PGAP1: variants seen among roughly 807,000 people sequenced by gnomAD.
PGAP1 encodes the protein post-GPI attachment to proteins inositol deacylase 1.
PGAP1 carries 76 observed loss-of-function variants against 127.0 expected under a neutral mutation model. The observed-to-expected ratio is 0.60, with a 90% CI of 0.50 to 0.72. The LOEUF is 0.72. Ranked by LOEUF, PGAP1 falls within the 30% of genes least tolerant of loss-of-function variation. PGAP1 has a pLI of 0.00. For synonymous variants in PGAP1, 362 were observed against 366.5 expected, an observed-to-expected ratio of 0.99 and a Z score of 0.14; for missense variants, 982 against 1,071.3, an observed-to-expected ratio of 0.92 and a Z score of 1.16.
chr2:196,926,612 A>G lies in PGAP1; in HGVS notation c.5T>C (p.Phe2Ser). The change falls in exon 1 of 27, where the codon TTT becomes TCT. Residue 2 changes from phenylalanine (F) to serine (S), a missense_variant. Transcript: ENST00000354764. ...GTTCCAGAGATTAACTGAGTGAAGA[A>G]ACATGGTGCCGCCACCACCGCCGCC... is the stretch of plus-strand genomic sequence containing the variant. M[F>S]LHSVNLWNLA... The G allele has an allele frequency of 6.2e-7, 1 of 1,614,050 alleles. No homozygotes were observed. Among genetic ancestry groups the G allele is most frequent in the Non-Finnish European group, 8.5e-7 (1 of 1,179,946 alleles).
intron 20 of PGAP1, among the ~76,000 whole-genome samples, chr2:196,851,411 T>C (rs1700719005): frequency 6.6e-6 from 1 of 152,206 alleles, no homozygotes; most frequent in Non-Finnish European, 1.5e-5. Flanking sequence ...TAGGCAAGGA[T>C]AATTATTTCA....
intron 5 of PGAP1, among the ~76,000 whole-genome samples, chr2:196,899,902 G>A (rs1702424225): frequency 6.6e-6 from 1 of 152,184 alleles, no homozygotes; most frequent in Non-Finnish European, 1.5e-5. Context: ...GCTGGGCATG[G>A]GGGCGTGTGC....
intron 24 of PGAP1, 48 bp downstream of exon 24, chr2:196,844,476 A>C: frequency 1.5e-6 from 2 of 1,315,682 alleles, no homozygotes; most frequent in Non-Finnish European, 2.1e-6. Flanking sequence ...ATATTTCCCC[A>C]TGTTCTTTCA....
At chr2:196,873,875 C>G (rs1251208924) in intron 14 of PGAP1, 117 bp from the exon 15 acceptor site, 1 of 694,870 alleles carries the variant, frequency 1.4e-6, no homozygotes, top group Non-Finnish European at 2.5e-6. Flanking sequence ...TACAGGTTTT[C>G]ACTTCTGTAT....
intron 1 of PGAP1, among the ~76,000 whole-genome samples, chr2:196,923,179 T>C (rs1303822853): frequency 6.6e-6 from 1 of 152,186 alleles, no homozygotes; most frequent in African/African-American, 2.4e-5. Context: ...ATTTTACATA[T>C]ATACAAGCAA....
rs549081471 is a variant in PGAP1 at position 196,866,946 on chromosome 2, C to G, written c.1768-1866G>C. Among the ~76,000 whole-genome samples, 4 of 152,132 alleles carry G rather than the reference C, an allele frequency of 2.6e-5. No individual in the cohort carries two copies. In the South Asian group the frequency reaches 8.3e-4, roughly 32 times the overall value. ...AAAACAACAATGAGATACCATCTCA[C>G]ACCAGTTAGAATGGCGATCATTAAA... On this transcript the variant is annotated intron_variant, in intron 19 of 26. Coordinates refer to ENST00000354764, the MANE Select transcript of PGAP1 (RefSeq NM_024989.4).
intron 19 of PGAP1, 124 bp from the exon 20 acceptor site, chr2:196,865,204 A>G: frequency 3.5e-6 from 2 of 565,878 alleles, no homozygotes; most frequent in Non-Finnish European, 3.1e-6. Flanking sequence ...ATTTCCAGTA[A>G]TAAGTATCAA....
chr2:196,911,624 A>T (rs1044928270), intron 4 of PGAP1, among the ~76,000 whole-genome samples: 1 of 149,622 alleles, frequency 6.7e-6, no homozygotes, highest in Admixed American at 6.6e-5. Flanking sequence ...AAAAAAAAAA[A>T]AAAAAAAAAA....
At chr2:196,858,348 G>A (rs1211038396) in intron 20 of PGAP1, among the ~76,000 whole-genome samples, 1 of 151,504 alleles carries the variant, frequency 6.6e-6, no homozygotes, top group Non-Finnish European at 1.5e-5. Flanking sequence ...CTTGCAGTTA[G>A]CTGAGATCGT....
intron 20 of PGAP1, among the ~76,000 whole-genome samples, chr2:196,850,784 C>A (rs1331165226): frequency 6.6e-6 from 1 of 151,596 alleles, no homozygotes; most frequent in South Asian, 2.1e-4. Context: ...GAAAAGGAAA[C>A]AAACTAGGAT....
At chr2:196,845,531 T>C (rs1384665495) in intron 23 of PGAP1, among the ~76,000 whole-genome samples, 1 of 151,812 alleles carries the variant, frequency 6.6e-6, no homozygotes, top group Non-Finnish European at 1.5e-5. Context: ...ACTTTTTGTT[T>C]CGTCTCTTAC....
At chr2:196,895,273 C>T (rs1450647313) in intron 7 of PGAP1, among the ~76,000 whole-genome samples, 1 of 152,098 alleles carries the variant, frequency 6.6e-6, no homozygotes, top group Non-Finnish European at 1.5e-5. Context: ...AATGGAAAAA[C>T]ATGCTTGTAT....
At position 196,872,503 on chromosome 2, in the gene PGAP1, G is replaced by C. The variant is rs754205464; in HGVS notation, c.1666C>G (p.Pro556Ala). Reference sequence around the variant, plus strand: ...AATGCCACATGGGTATTGTTTTCTGGTTGAGCAATATGGAGTTTCAGAGAA... The same window carrying C: ...AATGCCACATGGGTATTGTTTTCTGCTTGAGCAATATGGAGTTTCAGAGAA... ...EISLKLHIAQ[P>A]ENNTHVALFK... The change falls in exon 18 of 27, where the codon CCA (proline) becomes GCA (alanine). Residue 556 changes from proline (P) to alanine (A), a missense_variant. Transcript: ENST00000354764. The C allele has an allele frequency of 1.9e-6, 3 of 1,613,254 alleles. No individual in the cohort carries two copies. In the South Asian group the frequency reaches 3.3e-5, roughly 18 times the overall value.
chr2:196,922,104 T>A, intron 1 of PGAP1: 1 of 1,246,750 alleles, frequency 8.0e-7, no homozygotes. Context: ...ATCAATTACC[T>A]TTGTATTTAA....
At chr2:196,926,441 G>C (rs1348282873) in intron 1 of PGAP1, 29 bp downstream of exon 1, 3 of 1,613,224 alleles carry the variant, frequency 1.9e-6, no homozygotes, top group Non-Finnish European at 2.5e-6. Context: ...GTCTTGGAGC[G>C]CCCGGCTGAG....
rs1246230813 is a variant in PGAP1, at chr2:196,913,039, A to C, written c.492T>G (p.Ala164=). 1.2e-5 allele frequency: 19 copies of C among 1,608,430 alleles called. No homozygotes were observed. The African/African-American group carries it at 1.7e-4, about 15-fold the overall frequency. ...ILKLYKGQEF[A]PKSVAIIGHS... is the part of the protein sequence containing the mutation. ...GACCAATTATTGCCACACTTTTTGG[A>C]GCAAATTCTTGACCCTATTAAAATA... The change falls in exon 4 of 27, where the codon GCT becomes GCG. Residue 164 remains alanine, a synonymous_variant. Coordinates refer to ENST00000354764, the MANE Select transcript of PGAP1 (RefSeq NM_024989.4).
In PGAP1 at chr2:196,842,947, T is replaced by C. The variant is rs1018241272; in HGVS notation, c.2526-122A>G. On this transcript the variant is annotated intron_variant, in intron 25 of 26. Transcript: ENST00000354764. ...TAGCAATATGGATATAAGAGAGCTC[T>C]AAATAGTTCATGAAATATCTGATAA... 15 of 403,718 alleles carry C rather than the reference T, an allele frequency of 3.7e-5. 1 individual carries two copies. The Admixed American group carries it at 3.9e-4, about 11-fold the overall frequency. 25.0% of individuals were successfully genotyped at this position (403,718 alleles called of 1,614,324 possible). A position where few individuals can be genotyped will look rare whatever the true frequency, so the allele number is the denominator to read the frequency against.
At chr2:196,901,095 C>T (rs1036388268) in intron 5 of PGAP1, among the ~76,000 whole-genome samples, 2 of 152,132 alleles carry the variant, frequency 1.3e-5, no homozygotes, top group African/African-American at 2.4e-5. Flanking sequence ...AGACAAGGTC[C>T]AGGAAATAAG....
intron 17 of PGAP1, 125 bp from the exon 18 acceptor site, chr2:196,872,674 G>A (rs1701447057): frequency 1.5e-6 from 1 of 665,692 alleles, no homozygotes; most frequent in African/African-American, 1.8e-5. Context: ...ACACATAATT[G>A]TGGATGGGCA....
Sources: allele counts gnomAD v4.1 joint callset (sites outside exome capture counted in the v4.1 genomes callset), GRCh38; gene constraint gnomAD v4.1.1; transcripts MANE v1.5; gene names NCBI Gene and HGNC (gene_info 2026-07-23, HGNC 2026-07-21).